AMN1: variants seen among roughly 807,000 people sequenced by gnomAD.
AMN1 encodes protein AMN1 homolog.
AMN1 carries 20 observed loss-of-function variants against 33.0 expected under a neutral mutation model. The ratio of observed to expected loss-of-function variants is 0.61; its 90% CI spans 0.43 to 0.88. AMN1 has a LOEUF of 0.88. Ranked by LOEUF, AMN1 falls within the 40% of genes least tolerant of loss-of-function variation. AMN1 has a pLI of 0.00. For missense variants in AMN1, 246 were observed against 307.4 expected (o/e 0.80, Z 1.49); for synonymous variants, 114 against 111.9 (o/e 1.02, Z -0.12).
At chr12:31,718,908 T>TC (rs923333671) in intron 1 of AMN1, among the ~76,000 whole-genome samples, 4 of 151,994 alleles carry the variant, frequency 2.6e-5, no homozygotes, top group African/African-American at 7.2e-5. Context: ...CAGACGCCCC[T>TC]CCCCCCGCCA....
At chr12:31,717,806 A>C (rs944995838) in intron 1 of AMN1, among the ~76,000 whole-genome samples, 2 of 152,058 alleles carry the variant, frequency 1.3e-5, no homozygotes, top group African/African-American at 4.8e-5. Context: ...TGCCCCTATC[A>C]ACCTGTCATC....
At chr12:31,725,838 C>T (rs538114437) in intron 1 of AMN1, among the ~76,000 whole-genome samples, 2 of 152,100 alleles carry the variant, frequency 1.3e-5, no homozygotes, top group South Asian at 4.2e-4. Context: ...TGGGAATACA[C>T]ATGTGCACCA....
rs548484341 is a variant in AMN1 at position 31,688,427 on chromosome 12, G to A, written c.703+580C>T. 2.2e-4 allele frequency among the ~76,000 whole-genome samples: 34 copies of A among 152,220 alleles called. 1 individual carries two copies. In the South Asian group the frequency reaches 6.6e-3, roughly 30 times the overall value. On this transcript the variant is annotated intron_variant, in intron 6 of 6. Transcript: ENST00000281471. ...ATCTTCTTCATAGGTAACATTTATT[G>A]AGCACTGGCCACCATTACCACCTTC...
At chr12:31,719,738 A>G (rs537992400) in intron 1 of AMN1, among the ~76,000 whole-genome samples, 2 of 152,328 alleles carry the variant, frequency 1.3e-5, no homozygotes, top group Admixed American at 1.3e-4. Context: ...AGATCTAGCA[A>G]TTCCAGTTGG....
In AMN1 at chr12:31,709,340, T is replaced by C. The variant is rs1274798396; in HGVS notation, c.124A>G (p.Lys42Glu). Reference sequence around the variant, plus strand: ...ATCTGTCCCTGCATACTCATTATTTTAATCAGTCTGTCTTTTATGTTGGGA... The same window carrying C: ...ATCTGTCCCTGCATACTCATTATTTCAATCAGTCTGTCTTTTATGTTGGGA... ...LPPNIKDRLI[K>E]IMSMQGQITD... is the part of the protein sequence containing the mutation. The change falls in exon 2 of 7, where the codon AAA becomes GAA. Residue 42 changes from lysine (K) to glutamate (E), a missense_variant. Coordinates refer to ENST00000281471, the MANE Select transcript of AMN1 (RefSeq NM_001113402.2). The C allele has an allele frequency of 6.2e-7, 1 of 1,613,816 alleles. No homozygotes were observed. The highest frequency in any genetic ancestry group is 8.5e-7 in the Non-Finnish European group (1 of 1,179,832).
chr12:31,723,145 G>A (rs374710358), intron 1 of AMN1, among the ~76,000 whole-genome samples: 2 of 152,140 alleles, frequency 1.3e-5, no homozygotes, highest in East Asian at 1.9e-4. Context: ...GCAACAGAGT[G>A]AGACCTCGTC....
At position 31,687,114 on chromosome 12, in the gene AMN1, G is replaced by A. The variant is rs552974045; in HGVS notation, c.703+1893C>T. Among the ~76,000 whole-genome samples, 3 of 151,972 alleles carry A rather than the reference G, an allele frequency of 2.0e-5. No homozygotes were observed. The highest frequency in any genetic ancestry group is 4.2e-4 in the South Asian group (2 of 4,814). On this transcript the variant is annotated intron_variant, in intron 6 of 6. Coordinates refer to ENST00000281471, the MANE Select transcript of AMN1 (RefSeq NM_001113402.2). This position sits in a 1 kb window ranked among gnomAD's most constrained non-coding sequence, Gnocchi z 4.1. ...CAGCTTCGACCTCCCAGGCTTAAGT[G>A]ATCCACCCACCTTAGCCTCCCACAG...
intron 5 of AMN1, among the ~76,000 whole-genome samples, chr12:31,692,481 A>G (rs938462376): frequency 1.3e-5 from 2 of 151,764 alleles, no homozygotes; most frequent in Non-Finnish European, 2.9e-5. Context: ...AAAAAAACAT[A>G]TTAAATTAAG....
intron 1 of AMN1, among the ~76,000 whole-genome samples, chr12:31,712,343 G>A (rs1050250788): frequency 2.6e-5 from 4 of 152,170 alleles, no homozygotes; most frequent in African/African-American, 9.6e-5. Flanking sequence ...TGCCACCCAG[G>A]TTCAAGCAAT....
At chr12:31,676,252 A>G (rs1341028537) in intron 6 of AMN1, among the ~76,000 whole-genome samples, 1 of 151,624 alleles carries the variant, frequency 6.6e-6, no homozygotes, top group Non-Finnish European at 1.5e-5. Context: ...TATTTCCCAA[A>G]TTACCTATAG....
chr12:31,696,061 G>A (rs1410891203), intron 5 of AMN1, among the ~76,000 whole-genome samples: 2 of 151,376 alleles, frequency 1.3e-5, no homozygotes, highest in Non-Finnish European at 2.9e-5. Context: ...TAGCCAACAT[G>A]GCAAAACCCT....
intron 6 of AMN1, among the ~76,000 whole-genome samples, chr12:31,680,864 T>C (rs1937979329): frequency 6.6e-6 from 1 of 152,166 alleles, no homozygotes; most frequent in African/African-American, 2.4e-5. Context: ...AGAGGAATCA[T>C]GTTATATAAG....
intron 6 of AMN1, among the ~76,000 whole-genome samples, chr12:31,678,740 A>C (rs77456470): frequency 0.041 from 6,209 of 152,290 alleles, 156 homozygotes; most frequent in South Asian, 0.062. Context: ...TCAAATGTTC[A>C]AAGGAAATGT....
At chr12:31,701,301 A>AT (rs1469955612) in intron 3 of AMN1, among the ~76,000 whole-genome samples, 2 of 151,264 alleles carry the variant, frequency 1.3e-5, no homozygotes, top group Non-Finnish European at 2.9e-5. Context: ...ACCTGGCCCT[A>AT]TTTTTTATTT....
intron 6 of AMN1, among the ~76,000 whole-genome samples, chr12:31,685,046 A>ATTT (rs1938195570): frequency 7.7e-6 from 1 of 129,216 alleles, no homozygotes. Flanking sequence ...TTTTTTTTTG[A>ATTT]GATAGAGTCC....
chr12:31,672,452 G>T lies in AMN1; in HGVS notation c.704-75C>A, dbSNP rs1951298334. 4.8e-6 allele frequency: 5 copies of T among 1,035,788 alleles called. No individual in the cohort carries two copies. The East Asian group carries it at 1.3e-4, about 27-fold the overall frequency. 64.2% of individuals were successfully genotyped at this position (1,035,788 alleles called of 1,614,324 possible). A position where few individuals can be genotyped will look rare whatever the true frequency, so the allele number is the denominator to read the frequency against. On this transcript the variant is annotated intron_variant, in intron 6 of 6. Coordinates refer to ENST00000281471, the MANE Select transcript of AMN1 (RefSeq NM_001113402.2). ...AATGTTTCCTCATGTCTAACTGGAG[G>T]TGATGTTAATTATTATACAGTTATT...
chr12:31,721,494 G>C (rs558620500), intron 1 of AMN1, among the ~76,000 whole-genome samples: 1 of 152,236 alleles, frequency 6.6e-6, no homozygotes, highest in South Asian at 2.1e-4. Flanking sequence ...TTCATAACTT[G>C]GGCACACATT....
At chr12:31,715,435 G>T in intron 1 of AMN1, 1 of 192,368 alleles carries the variant, frequency 5.2e-6, no homozygotes. Context: ...CTCCAGTGTG[G>T]TAGTCATTTG....
At chr12:31,722,642 C>T (rs964131520) in intron 1 of AMN1, among the ~76,000 whole-genome samples, 2 of 152,162 alleles carry the variant, frequency 1.3e-5, no homozygotes, top group East Asian at 1.9e-4. Context: ...TCCACTCTGA[C>T]AATTCCTGGG....
Sources: allele counts gnomAD v4.1 joint callset (sites outside exome capture counted in the v4.1 genomes callset), GRCh38; gene constraint gnomAD v4.1.1; non-coding constraint Gnocchi (gnomAD v3.1); transcripts MANE v1.5; gene names NCBI Gene and HGNC (gene_info 2026-07-23, HGNC 2026-07-21).